CPED1: variants seen among roughly 807,000 people sequenced by gnomAD.
CPED1 encodes the protein cadherin-like and PC-esterase domain-containing protein 1.
Under a neutral mutation model 128.2 loss-of-function variants are expected in CPED1, and 114 were observed. The observed-to-expected ratio is 0.89, with a 90% CI of 0.76 to 1.04. The LOEUF is 1.04. Among genes scored for constraint, CPED1 ranks in the 50% least tolerant of loss-of-function variants. The pLI is 0.00. For synonymous variants in CPED1, 462 were observed against 426.7 expected, an observed-to-expected ratio of 1.08 and a Z score of -1.02; for missense variants, 1,211 against 1,207.1, an observed-to-expected ratio of 1.00 and a Z score of -0.05.
At chr7:121,142,561 C>T (rs545030735) in intron 16 of CPED1, among the ~76,000 whole-genome samples, 109 of 152,058 alleles carry the variant, frequency 7.2e-4, no homozygotes, top group Non-Finnish European at 1.4e-3. Context: ...TTTTACAAGA[C>T]GGATACTGGA....
At chr7:121,127,345 G>T in intron 10 of CPED1, 88 bp downstream of exon 10, 1 of 793,714 alleles carries the variant, frequency 1.3e-6, no homozygotes, top group Non-Finnish European at 2.0e-6. Flanking sequence ...TCAGCAACTT[G>T]ATAATTCACT....
At chr7:121,016,260 T>C (rs145415723) in intron 3 of CPED1, among the ~76,000 whole-genome samples, 398 of 152,340 alleles carry the variant, frequency 2.6e-3, no homozygotes, top group African/African-American at 9.2e-3. Flanking sequence ...GATTCACAGA[T>C]TGGCTCTAAA....
chr7:121,023,281 G>GT (rs1792488656), intron 3 of CPED1, among the ~76,000 whole-genome samples: 1 of 152,066 alleles, frequency 6.6e-6, no homozygotes, highest in African/African-American at 2.4e-5. Flanking sequence ...TATTCCCATT[G>GT]TTTAACAAGG....
Position 121,015,716 on chromosome 7 carries a change from C to A in CPED1, c.301C>A (p.Leu101Ile), listed in dbSNP as rs780896217. ...HFGSHGRRAI[L>I]YRPPFYSKTE... ...TGGCAGCCATGGCCGAAGGGCCATA[C>A]TCTACAGGCCTCCTTTCTACAGCAA... The change falls in exon 3 of 23, where the codon CTC becomes ATC. Residue 101 changes from leucine to isoleucine, a missense_variant. Physicochemically the swap from Leu to Ile is conservative, Grantham distance 5 (BLOSUM62 2). Coordinates refer to ENST00000310396, the MANE Select transcript of CPED1 (RefSeq NM_024913.5). 2.4e-5 allele frequency: 38 copies of A among 1,610,148 alleles called. No homozygotes were observed. In the Admixed American group the frequency reaches 6.3e-4, roughly 27 times the overall value.
At chr7:121,180,367 A>G (rs1008695649) in intron 16 of CPED1, among the ~76,000 whole-genome samples, 3 of 152,114 alleles carry the variant, frequency 2.0e-5, no homozygotes, top group African/African-American at 4.8e-5. Flanking sequence ...GAAAATATCA[A>G]CAATGAAATA....
chr7:121,232,977 A>C (rs972812460), intron 16 of CPED1, among the ~76,000 whole-genome samples: 1 of 152,070 alleles, frequency 6.6e-6, no homozygotes, highest in Non-Finnish European at 1.5e-5. Context: ...GAGAAATATT[A>C]CTCATTCTTT....
chr7:121,195,231 A>G (rs984445193), intron 16 of CPED1, among the ~76,000 whole-genome samples: 9 of 152,178 alleles, frequency 5.9e-5, no homozygotes, highest in African/African-American at 2.2e-4. Context: ...CTACACAGGT[A>G]TCTGTAATAC....
At chr7:121,287,602 T>C (rs1452578391) in intron 22 of CPED1, among the ~76,000 whole-genome samples, 1 of 151,998 alleles carries the variant, frequency 6.6e-6, no homozygotes, top group Non-Finnish European at 1.5e-5. Flanking sequence ...GTATTGAAAG[T>C]CTCCTCTCAT....
At chr7:121,155,713 C>T (rs972934622) in intron 16 of CPED1, among the ~76,000 whole-genome samples, 3 of 152,068 alleles carry the variant, frequency 2.0e-5, no homozygotes, top group African/African-American at 7.2e-5. Flanking sequence ...AATCAAAATG[C>T]AATAAAGGCT....
At chr7:121,019,527 T>C (rs1792384624) in intron 3 of CPED1, among the ~76,000 whole-genome samples, 1 of 152,068 alleles carries the variant, frequency 6.6e-6, no homozygotes, top group African/African-American at 2.4e-5. Context: ...GGACATATTA[T>C]TGGTTCAAAG....
intron 16 of CPED1, among the ~76,000 whole-genome samples, chr7:121,234,370 A>C (rs1798206763): frequency 6.6e-6 from 1 of 152,076 alleles, no homozygotes; most frequent in South Asian, 2.1e-4. Flanking sequence ...TATATGCTAA[A>C]ATATATTTTT....
Position 120,989,621 on chromosome 7 carries a change from C to G in CPED1, c.-1C>G, listed in dbSNP as rs1401080911. The G allele has an allele frequency of 6.2e-7, 1 of 1,613,842 alleles. No homozygotes were observed. The highest frequency in any genetic ancestry group is 1.3e-5 in the African/African-American group (1 of 74,894). On this transcript the variant is annotated 5_prime_UTR_variant, in exon 2 of 23. Coordinates refer to ENST00000310396, the MANE Select transcript of CPED1 (RefSeq NM_024913.5). ...AGGGGCCAAGTGAAGCTGAACTGGTCATGGTCTGTCGCCCAGTGTTCCCTT... is the reference window on the plus strand; with the variant it reads ...AGGGGCCAAGTGAAGCTGAACTGGTGATGGTCTGTCGCCCAGTGTTCCCTT...
chr7:121,022,302 A>T (rs1792463551), intron 3 of CPED1, among the ~76,000 whole-genome samples: 1 of 152,056 alleles, frequency 6.6e-6, no homozygotes, highest in South Asian at 2.1e-4. Context: ...TTCTATTTAG[A>T]CTTAAGTCCA....
intron 3 of CPED1, among the ~76,000 whole-genome samples, chr7:121,016,773 A>G (rs1021549119): frequency 6.6e-6 from 1 of 152,230 alleles, no homozygotes; most frequent in African/African-American, 2.4e-5. Context: ...ATTCAGAATA[A>G]GCAAATCAGA....
At chr7:121,055,842 A>C (rs1377192752) in intron 4 of CPED1, among the ~76,000 whole-genome samples, 3 of 151,920 alleles carry the variant, frequency 2.0e-5, no homozygotes, top group African/African-American at 7.2e-5. Context: ...ATAGAAGTAC[A>C]CTTGTTTCCT....
chr7:121,138,931 G>C (rs201210587), intron 14 of CPED1, among the ~76,000 whole-genome samples: 1 of 151,648 alleles, frequency 6.6e-6, no homozygotes, highest in Non-Finnish European at 1.5e-5. Flanking sequence ...TGCTTATCTC[G>C]GGGTCTTTAA....
intron 22 of CPED1, among the ~76,000 whole-genome samples, chr7:121,279,125 C>G (rs1241813708): frequency 3.3e-5 from 5 of 152,084 alleles, no homozygotes; most frequent in Non-Finnish European, 7.4e-5. Flanking sequence ...GAATACACCT[C>G]CACCTTATGG....
At chr7:121,033,696 G>C (rs1480975028) in intron 3 of CPED1, among the ~76,000 whole-genome samples, 1 of 152,066 alleles carries the variant, frequency 6.6e-6, no homozygotes, top group Non-Finnish European at 1.5e-5. Context: ...GTTATGGTTG[G>C]GTTCAATAAA....
At chr7:121,152,874 A>G (rs1796190503) in intron 16 of CPED1, among the ~76,000 whole-genome samples, 1 of 152,226 alleles carries the variant, frequency 6.6e-6, no homozygotes, top group African/African-American at 2.4e-5. Flanking sequence ...ACATTTTTGT[A>G]ATGAATGTGA....
Sources: allele counts gnomAD v4.1 joint callset (sites outside exome capture counted in the v4.1 genomes callset), GRCh38; gene constraint gnomAD v4.1.1; transcripts MANE v1.5; gene names NCBI Gene and HGNC (gene_info 2026-07-23, HGNC 2026-07-21).